The following HIC1 variants were observed in gnomAD, a reference collection of about 807,000 sequenced individuals.
HIC1 encodes HIC ZBTB transcriptional repressor 1.
A neutral mutation model predicts 26.4 loss-of-function variants in HIC1; 9 were observed. The observed-to-expected ratio is 0.34, with a 90% CI of 0.21 to 0.59. HIC1 has a LOEUF of 0.59. Among genes scored for constraint, HIC1 ranks in the 20% least tolerant of loss-of-function variants. The pLI is 0.82. For synonymous variants in HIC1, 631 were observed against 523.1 expected (o/e 1.21, Z -2.81); for missense variants, 965 against 1,075.7 (o/e 0.90, Z 1.44).
rs773744379 is a variant in HIC1, at chr17:2,061,467, G to GC, written c.*2632_*2633insC. 5.9e-4 allele frequency: 924 copies of GC among 1,559,670 alleles called. No homozygotes were observed. The highest frequency in any genetic ancestry group is 8.7e-4 in the East Asian group (37 of 42,630). On this transcript the variant is annotated 3_prime_UTR_variant, in exon 2 of 2. Transcript: ENST00000619757. ...GTGGCCTTTCAGGAACGGTTCCACG[G>GC]GGGGGGGGCCCCAGTGTGGCTCCCT...
rs1225669687 is a variant in HIC1 at position 2,055,449 on chromosome 17, C to T, written c.-21+211C>T. The stretch of plus-strand genomic sequence containing the variant: ...CACGGCGGGGTCAGCGGCCCGGGGC[C>T]GGCTCTGCCCGCACATGGGCTGGAG... On this transcript the variant is annotated intron_variant, in intron 1 of 1. Coordinates refer to ENST00000619757, the MANE Select transcript of HIC1 (RefSeq NM_006497.4). The surrounding 1 kb of genome is among the most constrained non-coding windows in gnomAD (Gnocchi z 6.4). 6.6e-6 allele frequency among the ~76,000 whole-genome samples: 1 copy of T among 151,954 alleles called. No individual in the cohort carries two copies. The highest frequency in any genetic ancestry group is 2.4e-5 in the African/African-American group (1 of 41,398).
chr17:2,058,421 C>T lies in HIC1; in HGVS notation c.1731C>T (p.Cys577=), dbSNP rs1452860938. 3.7e-6 allele frequency: 6 copies of T among 1,606,606 alleles called. No individual in the cohort carries two copies. In the East Asian group the frequency reaches 9.0e-5, roughly 24 times the overall value. Residue 577 remains cysteine (C), a synonymous_variant, in exon 2 of 2, where the codon TGC becomes TGT. Transcript: ENST00000619757. The stretch of plus-strand genomic sequence containing the variant: ...AGAAGCCCTACGAGTGCCAGGTGTG[C>T]GGCGGCAAGTTCGCACAGCAACGCA... The part of the protein sequence containing the change: ...SGEKPYECQV[C]GGKFAQQRNL...
In HIC1 at chr17:2,057,425, GC is replaced by G. The variant is rs1171245570; in HGVS notation, c.740del (p.Pro247ArgfsTer67). The part of the protein sequence containing the change: ...PERPLAEREL[P>X]PRPDSPPSAG... ...AGCGGCCGCTGGCTGAGCGCGAGCT[GC>G]CCCCGCGCCCGGACAGCCCTCCCAG... On this transcript the variant is annotated frameshift_variant, in exon 2 of 2. Transcript: ENST00000619757. LOFTEE classifies it high-confidence loss of function. 6 of 1,438,254 alleles carry G rather than the reference GC, an allele frequency of 4.2e-6. No individual in the cohort carries two copies. Among genetic ancestry groups the G allele is most frequent in the Admixed American group, 5.8e-5 (2 of 34,622 alleles). 89.1% of individuals were successfully genotyped at this position (1,438,254 alleles called of 1,614,324 possible).
rs1373535991 is a variant in HIC1 at position 2,056,906 on chromosome 17, G to A, written c.216G>A (p.Pro72=). The A allele has an allele frequency of 2.5e-6, 4 of 1,612,818 alleles. No individual in the cohort carries two copies. The highest frequency in any genetic ancestry group is 1.3e-5 in the African/African-American group (1 of 75,046). The change falls in exon 2 of 2, where the codon CCG becomes CCA. Residue 72 remains proline, a synonymous_variant. Coordinates refer to ENST00000619757, the MANE Select transcript of HIC1 (RefSeq NM_006497.4). ...LLNLDHDMVS[P]AVFRLVLDFI... ...ACCTGGACCATGACATGGTGAGCCC[G>A]GCCGTGTTCCGCCTGGTGCTGGACT...
chr17:2,056,679 G>A lies in HIC1; in HGVS notation c.-12G>A. 2 of 1,575,898 alleles carry A rather than the reference G, an allele frequency of 1.3e-6. No homozygotes were observed. Among genetic ancestry groups the A allele is most frequent in the Non-Finnish European group, 1.7e-6 (2 of 1,158,464 alleles). On this transcript the variant is annotated 5_prime_UTR_variant, in exon 2 of 2. Transcript: ENST00000619757. ...GGTGTGTGTCCCCGCAGGAGAGTGTGCTGGGCAGACGATGCTGGACACGAT... is the reference window on the plus strand; with the variant it reads ...GGTGTGTGTCCCCGCAGGAGAGTGTACTGGGCAGACGATGCTGGACACGAT...
Position 2,057,510 on chromosome 17 carries a change from C to A in HIC1, c.820C>A (p.Pro274Thr), listed in dbSNP as rs750926221. The change falls in exon 2 of 2, where the codon CCC becomes ACC. Residue 274 changes from proline (P) to threonine (T), a missense_variant. Around this residue, in one of 6 missense-constraint regions of HIC1, gnomAD observed 526 missense variants for 525.0 expected, o/e 1.00. Coordinates refer to ENST00000619757, the MANE Select transcript of HIC1 (RefSeq NM_006497.4). ...PLALPSLPPL[P>T]FQKLEEAAPP... is the part of the protein sequence containing the mutation. ...CGCCCTGCCGTCGCTGCCGCCGCTGCCCTTCCAGAAGCTGGAGGAGGCCGC... is the reference window on the plus strand; with the variant it reads ...CGCCCTGCCGTCGCTGCCGCCGCTGACCTTCCAGAAGCTGGAGGAGGCCGC... The A allele has an allele frequency of 6.7e-7, 1 of 1,490,858 alleles. No homozygotes were observed. Among genetic ancestry groups the A allele is most frequent in the Non-Finnish European group, 8.9e-7 (1 of 1,126,360 alleles). 92.4% of individuals were successfully genotyped at this position (1,490,858 alleles called of 1,614,324 possible). A position where few individuals can be genotyped will look rare whatever the true frequency, so the allele number is the denominator to read the frequency against.
chr17:2,056,505 G>A, intron 1 of HIC1, 166 bp from the exon 2 acceptor site: 1 of 1,336,662 alleles, frequency 7.5e-7, no homozygotes, highest in Non-Finnish European at 1.0e-6. Context: ...GGGCCGGCCT[G>A]GGCTCCCACT....
rs746838985 is a variant in HIC1 at position 2,057,615 on chromosome 17, C to T, written c.925C>T (p.Leu309Phe). ...CGGCCGCCCCGACGGGCCTAGTCTCCTCTATCGCTGGATGAAGCACGAGCC... is the reference window on the plus strand; with the variant it reads ...CGGCCGCCCCGACGGGCCTAGTCTCTTCTATCGCTGGATGAAGCACGAGCC... ...PPGRPDGPSL[L>F]YRWMKHEPGL... The change falls in exon 2 of 2, where the codon CTC (leucine) becomes TTC (phenylalanine). Residue 309 changes from leucine to phenylalanine, a missense_variant. Coordinates refer to ENST00000619757, the MANE Select transcript of HIC1 (RefSeq NM_006497.4). The T allele has an allele frequency of 7.9e-6, 12 of 1,512,724 alleles. No individual in the cohort carries two copies. The South Asian group carries it at 9.8e-5, about 12-fold the overall frequency. 93.7% of individuals were successfully genotyped at this position (1,512,724 alleles called of 1,614,324 possible). A position where few individuals can be genotyped will look rare whatever the true frequency, so the allele number is the denominator to read the frequency against.
chr17:2,056,638 CG>C, intron 1 of HIC1, 32 bp from the exon 2 acceptor site: 1 of 1,490,318 alleles, frequency 6.7e-7, no homozygotes, highest in Admixed American at 2.3e-5. Context: ...GGGCGCCGCA[CG>C]GCTCTCACCC....
Position 2,061,399 on chromosome 17 carries a change from G to T in HIC1, c.*2564G>T. On this transcript the variant is annotated 3_prime_UTR_variant, in exon 2 of 2. Transcript: ENST00000619757. ...TGGTTTATTGTCTGGGTGGATTGGT[G>T]GCTCAGGCACGTGGGCATCTTCCGT... 7.9e-7 allele frequency: 1 copy of T among 1,270,536 alleles called. No homozygotes were observed. The highest frequency in any genetic ancestry group is 1.1e-6 in the Non-Finnish European group (1 of 923,936). The allele number at this position is 1,270,536 out of a possible 1,614,324, so 78.7% of individuals were successfully genotyped here. A position where few individuals can be genotyped will look rare whatever the true frequency, so the allele number is the denominator to read the frequency against.
Position 2,057,561 on chromosome 17 carries a change from G to C in HIC1, c.871G>C (p.Gly291Arg). Residue 291 changes from glycine (G) to arginine (R), a missense_variant, in exon 2 of 2, where the codon GGC becomes CGC. Gly to Arg is a moderately radical substitution (Grantham distance 125). Coordinates refer to ENST00000619757, the MANE Select transcript of HIC1 (RefSeq NM_006497.4). ...ACCGCCTTCCGACCCATTTCGCGGC[G>C]GCAGCGGCAGCCCGGGACCCGAGCC... The part of the protein sequence containing the change: ...AAPPSDPFRG[G>R]SGSPGPEPPG... 6.7e-7 allele frequency: 1 copy of C among 1,501,194 alleles called. No individual in the cohort carries two copies. The highest frequency in any genetic ancestry group is 8.8e-7 in the Non-Finnish European group (1 of 1,130,536). 93.0% of individuals were successfully genotyped at this position (1,501,194 alleles called of 1,614,324 possible).
At position 2,057,886 on chromosome 17, in the gene HIC1, G is replaced by A. The variant is rs1258360260; in HGVS notation, c.1196G>A (p.Gly399Asp). The change falls in exon 2 of 2, where the codon GGC (glycine) becomes GAC (aspartate). Residue 399 changes from glycine (G) to aspartate (D), a missense_variant. By Grantham distance (94) the Gly-to-Asp change is moderately conservative. Transcript: ENST00000619757. ...AGCCCGCCTGGCGGCCACCTCGAGG[G>A]CTACCCATGCCCGCACCTGGCCTAT... ...DPSPPGGHLEGYPCPHLAYGE... is the reference protein window; with the variant it reads ...DPSPPGGHLEDYPCPHLAYGE... The A allele has an allele frequency of 6.2e-6, 10 of 1,601,866 alleles. No individual in the cohort carries two copies. The highest frequency in any genetic ancestry group is 1.7e-5 in the Admixed American group (1 of 58,686).
intron 1 of HIC1, chr17:2,056,310 A>T (rs774170199): frequency 6.2e-7 from 1 of 1,613,138 alleles, no homozygotes; most frequent in African/African-American, 1.3e-5. Context: ...TCCGCCCTGA[A>T]TGACTTTTCC....
chr17:2,058,569 C>T lies in HIC1; in HGVS notation c.1879C>T (p.Pro627Ser), dbSNP rs188260013. ...CGACGGCAAGGGCAAGCTCGACTTCCCCGAGGGCGTCTTTGCTGTGGCTCG... is the reference window on the plus strand; with the variant it reads ...CGACGGCAAGGGCAAGCTCGACTTCTCCGAGGGCGTCTTTGCTGTGGCTCG... ...GPDGKGKLDFPEGVFAVARLT... is the reference protein window; with the variant it reads ...GPDGKGKLDFSEGVFAVARLT... Residue 627 changes from proline to serine, a missense_variant, in exon 2 of 2, where the codon CCC (proline) becomes TCC (serine). By Grantham distance (74) the Pro-to-Ser change is moderately conservative. This residue lies in a region of HIC1 where 210 missense variants were observed against 179.2 expected (regional missense o/e 1.17). Transcript: ENST00000619757. 14,864 of 1,557,272 alleles carry T rather than the reference C, an allele frequency of 9.5e-3. 89 individuals are homozygous for T. Among genetic ancestry groups the T allele is most frequent in the Non-Finnish European group, 0.011 (13,195 of 1,159,260 alleles).
Position 2,055,977 on chromosome 17 carries a change from G to T in HIC1, c.-20-694G>T, listed in dbSNP as rs1297535357. Among the ~76,000 whole-genome samples, 1 of 146,776 alleles carries T rather than the reference G, an allele frequency of 6.8e-6. No individual in the cohort carries two copies. Among genetic ancestry groups the T allele is most frequent in the Non-Finnish European group, 1.5e-5 (1 of 66,130 alleles). On this transcript the variant is annotated intron_variant, in intron 1 of 1. Transcript: ENST00000619757. This position sits in a 1 kb window ranked among gnomAD's most constrained non-coding sequence, Gnocchi z 6.4. The stretch of plus-strand genomic sequence containing the variant: ...GCTGTGCGCCGTGCCCGCCCGGGGC[G>T]CTGCCCCCTCCCTCCCCTGGGAGCT...
rs1283654144 is a variant in HIC1, at chr17:2,057,497, G to C, written c.807G>C (p.Ser269=). Residue 269 remains serine (S), a synonymous_variant, in exon 2 of 2, where the codon TCG becomes TCC. Coordinates refer to ENST00000619757, the MANE Select transcript of HIC1 (RefSeq NM_006497.4). ...AGGAGCCGCCTCTCGCCCTGCCGTC[G>C]CTGCCGCCGCTGCCCTTCCAGAAGC... is the stretch of plus-strand genomic sequence containing the variant. ...AYKEPPLALP[S]LPPLPFQKLE... 9 of 1,485,128 alleles carry C rather than the reference G, an allele frequency of 6.1e-6. No individual in the cohort carries two copies. The highest frequency in any genetic ancestry group is 8.0e-6 in the Non-Finnish European group (9 of 1,124,088). 92.0% of individuals were successfully genotyped at this position (1,485,128 alleles called of 1,614,324 possible). A position where few individuals can be genotyped will look rare whatever the true frequency, so the allele number is the denominator to read the frequency against.
At position 2,058,371 on chromosome 17, in the gene HIC1, G is replaced by A. The variant is rs2067695664; in HGVS notation, c.1681G>A (p.Glu561Lys). The change falls in exon 2 of 2, where the codon GAG (glutamate) becomes AAG (lysine). Residue 561 changes from glutamate (E) to lysine (K), a missense_variant. Physicochemically the swap from Glu to Lys is moderately conservative, Grantham distance 56. Transcript: ENST00000619757. ...MRFTRQYRLT[E>K]HMRIHSGEKP... ...GTTCACGCGCCAGTACCGCCTCACG[G>A]AGCACATGCGCATCCACTCGGGCGA... The A allele has an allele frequency of 6.2e-7, 1 of 1,610,570 alleles. No homozygotes were observed. Among genetic ancestry groups the A allele is most frequent in the Admixed American group, 1.7e-5 (1 of 59,816 alleles).
chr17:2,056,262 G>T, intron 1 of HIC1: 1 of 1,545,122 alleles, frequency 6.5e-7, no homozygotes, highest in Non-Finnish European at 8.9e-7. Context: ...GGAGGCGCTG[G>T]TTCCTCGGCT....
rs2067787424 is a variant in HIC1 at position 2,061,758 on chromosome 17, T to G, written c.*2923T>G. The G allele has an allele frequency of 2.9e-6, 3 of 1,037,224 alleles. No homozygotes were observed. The highest frequency in any genetic ancestry group is 4.2e-6 in the Non-Finnish European group (3 of 716,430). The allele number at this position is 1,037,224 out of a possible 1,614,324, so 64.3% of individuals were successfully genotyped here. A position where few individuals can be genotyped will look rare whatever the true frequency, so the allele number is the denominator to read the frequency against. ...TGTCTTGGCTCTTCTACCAGTCCTTTCCTCCGTCCGGGCTCTCAGCCCCGG... is the reference window on the plus strand; with the variant it reads ...TGTCTTGGCTCTTCTACCAGTCCTTGCCTCCGTCCGGGCTCTCAGCCCCGG... On this transcript the variant is annotated 3_prime_UTR_variant, in exon 2 of 2. Coordinates refer to ENST00000619757, the MANE Select transcript of HIC1 (RefSeq NM_006497.4).
Sources: allele counts gnomAD v4.1 joint callset (sites outside exome capture counted in the v4.1 genomes callset), GRCh38; gene constraint gnomAD v4.1.1; regional missense constraint gnomAD v4.1.1; non-coding constraint Gnocchi (gnomAD v3.1); transcripts MANE v1.5; gene names NCBI Gene and HGNC (gene_info 2026-07-23, HGNC 2026-07-21).